The following DIPK2A variants were observed in gnomAD, a reference collection of about 807,000 sequenced individuals.
The protein encoded by DIPK2A is divergent protein kinase domain 2A, also known as Golgi Protein of 49 kDa.
In DIPK2A, 27 loss-of-function variants were observed where a neutral mutation model predicts 39.0. The observed-to-expected ratio is 0.69, with a 90% CI of 0.51 to 0.96. DIPK2A has a LOEUF of 0.96. Ranked by LOEUF, DIPK2A falls within the 40% of genes least tolerant of loss-of-function variation. The pLI, the probability that DIPK2A is intolerant of heterozygous loss-of-function variation, is 0.00. For missense variants in DIPK2A, 528 were observed against 571.3 expected, an observed-to-expected ratio of 0.92 and a Z score of 0.77; for synonymous variants, 298 against 240.8, an observed-to-expected ratio of 1.24 and a Z score of -2.20.
At position 143,972,785 on chromosome 3, in the gene DIPK2A, C is replaced by G. The variant is rs536679662; in HGVS notation, c.453C>G (p.Gly151=). The change falls in exon 1 of 3, where the codon GGC becomes GGG. Residue 151 remains glycine, a synonymous_variant. Transcript: ENST00000315691. ...MPRTEFARLN[G]DVRLLTPEAV... The stretch of plus-strand genomic sequence containing the variant: ...GGACCGAGTTCGCGCGCCTCAACGG[C>G]GACGTGCGTCTGCTCACGCCCGAGG... The G allele has an allele frequency of 6.4e-7, 1 of 1,568,676 alleles. No homozygotes were observed. The highest frequency in any genetic ancestry group is 1.2e-5 in the South Asian group (1 of 86,930).
chr3:143,986,722 C>CAAAAAA (rs11293429), intron 2 of DIPK2A, among the ~76,000 whole-genome samples: 3 of 67,008 alleles, frequency 4.5e-5, no homozygotes, highest in Non-Finnish European at 1.1e-4. Flanking sequence ...GACTCCGTCT[C>CAAAAAA]AAAAAAAAAA....
chr3:143,980,885 A>G (rs73870992), intron 1 of DIPK2A, among the ~76,000 whole-genome samples: 181 of 152,304 alleles, frequency 1.2e-3, no homozygotes, highest in African/African-American at 4.3e-3. Context: ...TTTATATTGT[A>G]TAAAAGGAAT....
intron 2 of DIPK2A, chr3:143,986,153 G>A (rs1353750136): frequency 1.9e-5 from 5 of 260,546 alleles, no homozygotes; most frequent in East Asian, 8.0e-5. Flanking sequence ...CTAAAGTTGG[G>A]GGAAATTGTG....
At chr3:143,976,949 G>A (rs76938269) in intron 1 of DIPK2A, among the ~76,000 whole-genome samples, 1,586 of 152,060 alleles carry the variant, frequency 0.01, 28 homozygotes, top group African/African-American at 0.036. Flanking sequence ...TGGTGCATTT[G>A]ATCAGCTGTT....
At position 143,972,380 on chromosome 3, in the gene DIPK2A, G is replaced by A; in HGVS notation, c.48G>A (p.Leu16=). 7.0e-7 allele frequency: 1 copy of A among 1,419,988 alleles called. No homozygotes were observed. The highest frequency in any genetic ancestry group is 9.2e-7 in the Non-Finnish European group (1 of 1,085,572). 88.0% of individuals were successfully genotyped at this position (1,419,988 alleles called of 1,614,324 possible). A position where few individuals can be genotyped will look rare whatever the true frequency, so the allele number is the denominator to read the frequency against. ...AGCTGGGCCGCCTGTCCCGCTCGCT[G>A]AAGCTGGCGGCGCTGGGCAGCCTGT... is the stretch of plus-strand genomic sequence containing the variant. The part of the protein sequence containing the change: ...PPKLGRLSRS[L]KLAALGSLLV... The change falls in exon 1 of 3, where the codon CTG becomes CTA. Residue 16 remains leucine (L), a synonymous_variant. Coordinates refer to ENST00000315691, the MANE Select transcript of DIPK2A (RefSeq NM_173552.5).
At chr3:143,978,660 C>CTATATATATATA (rs1213006964) in intron 1 of DIPK2A, 1 of 76,048 alleles carries the variant, frequency 1.3e-5, no homozygotes, top group Non-Finnish European at 2.9e-5. Context: ...ATATATATAT[C>CTATATATATATA]TATATATAGA....
intron 1 of DIPK2A, among the ~76,000 whole-genome samples, chr3:143,974,342 G>T (rs1353873004): frequency 1.3e-5 from 2 of 152,154 alleles, no homozygotes; most frequent in Non-Finnish European, 2.9e-5. Context: ...TGTGTATTGG[G>T]TTAATTTTAA....
intron 2 of DIPK2A, among the ~76,000 whole-genome samples, chr3:143,987,286 T>TAC (rs1015012694): frequency 1.3e-5 from 2 of 152,232 alleles, no homozygotes; most frequent in African/African-American, 2.4e-5. Flanking sequence ...TTTCAGTGTT[T>TAC]ATAACAATAA....
intron 1 of DIPK2A, chr3:143,973,645 G>A: frequency 9.1e-7 from 1 of 1,098,678 alleles, no homozygotes; most frequent in Non-Finnish European, 1.4e-6. Flanking sequence ...CTTGGGGCTG[G>A]GAGGGCTTAA....
In DIPK2A at chr3:143,972,584, C is replaced by T; in HGVS notation, c.252C>T (p.Asp84=). 1.2e-6 allele frequency: 2 copies of T among 1,612,244 alleles called. No homozygotes were observed. Among genetic ancestry groups the T allele is most frequent in the Non-Finnish European group, 1.7e-6 (2 of 1,179,704 alleles). ...CGTGGGGCCGCTTGCGCCTGCTGGA[C>T]TTCCTCAACGTGAAGAACGTGTACT... The part of the protein sequence containing the change: ...FEAWGRLRLL[D]FLNVKNVYFA... Residue 84 remains aspartate (D), a synonymous_variant, in exon 1 of 3, where the codon GAC becomes GAT. Coordinates refer to ENST00000315691, the MANE Select transcript of DIPK2A (RefSeq NM_173552.5).
rs2087994758 is a variant in DIPK2A at position 143,991,967 on chromosome 3, T to C, written c.*2126T>C. On this transcript the variant is annotated 3_prime_UTR_variant, in exon 3 of 3. Transcript: ENST00000315691. ...CAGCGGTGATTGCTACTTGAGGTAG[T>C]TTTTTACAACTACCATTTCCCCTCC... is the stretch of plus-strand genomic sequence containing the variant. 1 of 152,454 alleles carries C rather than the reference T, an allele frequency of 6.6e-6. No individual in the cohort carries two copies. Among genetic ancestry groups the C allele is most frequent in the African/African-American group, 2.4e-5 (1 of 41,444 alleles). The allele number at this position is 152,454 out of a possible 1,614,324, so 9.4% of individuals were successfully genotyped here. A position where few individuals can be genotyped will look rare whatever the true frequency, so the allele number is the denominator to read the frequency against.
intron 1 of DIPK2A, among the ~76,000 whole-genome samples, chr3:143,978,789 G>A (rs143189327): frequency 1.2e-3 from 179 of 150,664 alleles, no homozygotes; most frequent in African/African-American, 3.5e-3. Context: ...CCAATAGATG[G>A]GGGTGGAGAG....
At chr3:143,973,637 T>TG in intron 1 of DIPK2A, 1 of 1,218,356 alleles carries the variant, frequency 8.2e-7, no homozygotes, top group Admixed American at 2.0e-5. Flanking sequence ...GCGTTGGACT[T>TG]GGGGCTGGGA....
intron 2 of DIPK2A, among the ~76,000 whole-genome samples, chr3:143,986,809 A>ACCAC (rs1185825210): frequency 6.6e-6 from 1 of 152,134 alleles, no homozygotes; most frequent in Admixed American, 6.6e-5. Flanking sequence ...TAGGTCTAGA[A>ACCAC]CCAATTCAGT....
intron 1 of DIPK2A, among the ~76,000 whole-genome samples, chr3:143,974,718 A>C (rs762897590): frequency 8.6e-5 from 13 of 151,974 alleles, no homozygotes; most frequent in Non-Finnish European, 1.9e-4. Flanking sequence ...TTTTTTAGGT[A>C]ATTTTGAATA....
rs1207286028 is a variant in DIPK2A, at chr3:143,992,297, C to G, written c.*2456C>G. 8.5e-5 allele frequency: 13 copies of G among 152,558 alleles called. No homozygotes were observed. Among genetic ancestry groups the G allele is most frequent in the Non-Finnish European group, 5.9e-5 (4 of 68,024 alleles). 9.5% of individuals were successfully genotyped at this position (152,558 alleles called of 1,614,324 possible). A position where few individuals can be genotyped will look rare whatever the true frequency, so the allele number is the denominator to read the frequency against. On this transcript the variant is annotated 3_prime_UTR_variant, in exon 3 of 3. Transcript: ENST00000315691. ...TTGAATATTTTATTGAACTGTCTCC[C>G]TGTGCCTTTATAATATAAAGTTGTT...
intron 2 of DIPK2A, among the ~76,000 whole-genome samples, chr3:143,986,521 G>A (rs191917501): frequency 0.056 from 8,542 of 152,042 alleles, 821 homozygotes; most frequent in African/African-American, 0.2. Context: ...TCAGGAGATC[G>A]AGACCATCCT....
intron 1 of DIPK2A, chr3:143,973,264 C>T: frequency 1.5e-6 from 2 of 1,337,358 alleles, no homozygotes; most frequent in Non-Finnish European, 2.1e-6. Flanking sequence ...GAGTGCGTCT[C>T]TTAACACTCC....
intron 1 of DIPK2A, among the ~76,000 whole-genome samples, chr3:143,983,636 CAATT>C (rs1006482513): frequency 7.2e-5 from 11 of 152,100 alleles, no homozygotes; most frequent in Non-Finnish European, 1.5e-4. Flanking sequence ...CCTAACATCA[CAATT>C]AAAAGAACTG....
Sources: allele counts gnomAD v4.1 joint callset (sites outside exome capture counted in the v4.1 genomes callset), GRCh38; gene constraint gnomAD v4.1.1; transcripts MANE v1.5; gene names NCBI Gene and HGNC (gene_info 2026-07-23, HGNC 2026-07-21).